BCKDHB: variants seen among roughly 807,000 people sequenced by gnomAD.
The protein encoded by BCKDHB is 2-oxoisovalerate dehydrogenase subunit beta, mitochondrial.
Under a neutral mutation model 48.5 loss-of-function variants are expected in BCKDHB, and 41 were observed. The ratio of observed to expected loss-of-function variants is 0.85; its 90% CI spans 0.66 to 1.10. The LOEUF is 1.10. Among genes scored for constraint, BCKDHB ranks in the 50% least tolerant of loss-of-function variants. The probability of loss-of-function intolerance (pLI) is 0.00; values close to 1 mark genes in which losing one functional copy is unlikely to be tolerated. For synonymous variants in BCKDHB, 201 were observed against 174.8 expected (o/e 1.15, Z -1.18); for missense variants, 496 against 494.2 (o/e 1.00, Z -0.03).
chr6:80,303,462 T>G (rs1158348535), intron 9 of BCKDHB, among the ~76,000 whole-genome samples: 1 of 152,054 alleles, frequency 6.6e-6, no homozygotes, highest in African/African-American at 2.4e-5. Context: ...TGATCTCCTT[T>G]CAACTTCTTC....
the BCKDHB span, among the ~76,000 whole-genome samples, chr6:80,399,714 A>G: frequency 2.6e-5 from 4 of 152,110 alleles, no homozygotes; most frequent in Middle Eastern, 3.2e-3. Flanking sequence ...AAAATTACCA[A>G]TGACAGTCTT....
chr6:80,216,817 A>G (rs1323186384), intron 8 of BCKDHB, among the ~76,000 whole-genome samples: 1 of 152,198 alleles, frequency 6.6e-6, no homozygotes, highest in Non-Finnish European at 1.5e-5. Context: ...TTTATTCTGT[A>G]ATCGTTAAGA....
the BCKDHB span, among the ~76,000 whole-genome samples, chr6:80,451,672 T>C: frequency 5.3e-5 from 8 of 150,764 alleles, no homozygotes; most frequent in Non-Finnish European, 1.0e-4. Context: ...GAGGTTGCAA[T>C]GAGCGGAGAT....
intron 9 of BCKDHB, among the ~76,000 whole-genome samples, chr6:80,339,656 T>G (rs185926357): frequency 8.1e-4 from 123 of 152,330 alleles, no homozygotes; most frequent in Non-Finnish European, 1.6e-3. Flanking sequence ...TTCATTGCTC[T>G]GTGTATTACC....
chr6:80,205,854 G>C (rs982993553), intron 8 of BCKDHB, among the ~76,000 whole-genome samples: 1 of 149,526 alleles, frequency 6.7e-6, no homozygotes, highest in African/African-American at 2.5e-5. Context: ...TGGCTTAAGA[G>C]AATCAGCTGT....
At chr6:80,357,936 C>A in the BCKDHB span, among the ~76,000 whole-genome samples, 106 of 152,234 alleles carry the variant, frequency 7.0e-4, no homozygotes, top group African/African-American at 2.6e-3. Context: ...AAATAGATTC[C>A]TTAGAAAGTA....
At chr6:80,441,082 C>A in the BCKDHB span, 1 of 151,142 alleles carries the variant, frequency 6.6e-6, no homozygotes, top group Admixed American at 6.6e-5. Flanking sequence ...AAAGGTCATT[C>A]CATTCTTGTC....
At chr6:80,463,128 TTAAG>T in the BCKDHB span, 1 of 152,184 alleles carries the variant, frequency 6.6e-6, no homozygotes, top group Non-Finnish European at 1.5e-5. Context: ...TTTGTAAGCT[TTAAG>T]TAAGTGCAAA....
intron 3 of BCKDHB, among the ~76,000 whole-genome samples, chr6:80,134,455 T>C (rs1770784776): frequency 6.6e-6 from 1 of 152,190 alleles, no homozygotes; most frequent in Admixed American, 6.6e-5. Context: ...TTTTTGTCTA[T>C]AATATATCAA....
At chr6:80,352,359 A>G in the BCKDHB span, among the ~76,000 whole-genome samples, 3 of 152,114 alleles carry the variant, frequency 2.0e-5, no homozygotes, top group Non-Finnish European at 4.4e-5. Context: ...TGAAACCTCT[A>G]TATTGAGGAA....
chr6:80,164,122 T>A (rs575818162), intron 3 of BCKDHB, among the ~76,000 whole-genome samples: 2 of 152,266 alleles, frequency 1.3e-5, no homozygotes, highest in East Asian at 3.9e-4. Flanking sequence ...TTCCTGTTTT[T>A]CTCACTCACC....
chr6:80,329,330 C>T (rs1351452838), intron 9 of BCKDHB, among the ~76,000 whole-genome samples: 1 of 152,146 alleles, frequency 6.6e-6, no homozygotes. Context: ...GTTTGACTTA[C>T]CACTCACTGT....
intron 9 of BCKDHB, among the ~76,000 whole-genome samples, chr6:80,275,347 A>G (rs762900348): frequency 3.3e-5 from 5 of 152,090 alleles, no homozygotes; most frequent in African/African-American, 4.8e-5. Flanking sequence ...CGAGGAAGAT[A>G]ATAGAAGTTT....
chr6:80,334,895 T>TA (rs770550644), intron 9 of BCKDHB, among the ~76,000 whole-genome samples: 1 of 151,818 alleles, frequency 6.6e-6, no homozygotes, highest in Non-Finnish European at 1.5e-5. Context: ...TTTATATGTA[T>TA]ATATATATAC....
chr6:80,212,616 T>C (rs1440703263), intron 8 of BCKDHB, among the ~76,000 whole-genome samples: 1 of 152,190 alleles, frequency 6.6e-6, no homozygotes, highest in Non-Finnish European at 1.5e-5. Context: ...AGGTGACATA[T>C]ATCCTCAGTT....
the BCKDHB span, among the ~76,000 whole-genome samples, chr6:80,408,822 G>T: frequency 1.4e-5 from 2 of 144,680 alleles, no homozygotes; most frequent in Non-Finnish European, 3.0e-5. Context: ...AAACCAAACA[G>T]CTCCTGGATT....
chr6:80,355,179 C>T, the BCKDHB span, among the ~76,000 whole-genome samples: 1 of 151,856 alleles, frequency 6.6e-6, no homozygotes, highest in East Asian at 1.9e-4. Context: ...GTAGGCAGAT[C>T]ACCTGAGGTC....
chr6:80,209,021 C>T (rs67851250), intron 8 of BCKDHB, among the ~76,000 whole-genome samples: 12,283 of 151,806 alleles, frequency 0.081, 581 homozygotes, highest in South Asian at 0.099. Context: ...ATTCACAAAG[C>T]AGTTGATACA....
the BCKDHB span, among the ~76,000 whole-genome samples, chr6:80,412,475 C>T: frequency 6.6e-6 from 1 of 152,100 alleles, no homozygotes; most frequent in African/African-American, 2.4e-5. Context: ...CACTATTCAT[C>T]TATTAACAAA....
Sources: gnomAD v4.1 joint callset for allele counts (sites outside exome capture counted in the v4.1 genomes callset) on GRCh38, gnomAD v4.1.1 for gene constraint, MANE v1.5 for transcripts, NCBI Gene and HGNC (gene_info 2026-07-23, HGNC 2026-07-21) for gene names.